The following KCNN3 variants were observed in gnomAD, a reference collection of about 807,000 sequenced individuals.
KCNN3 encodes potassium calcium-activated channel subfamily N member 3.
KCNN3 carries 16 observed loss-of-function variants against 62.9 expected under a neutral mutation model. The observed-to-expected ratio is 0.25, with a 90% confidence interval of 0.17 to 0.39. KCNN3 has a LOEUF of 0.39. Among genes scored for constraint, KCNN3 ranks in the 10% least tolerant of loss-of-function variants. The pLI is 1.00. For synonymous variants in KCNN3, 370 were observed against 389.2 expected (o/e 0.95, Z 0.58); for missense variants, 599 against 949.4 (o/e 0.63, Z 4.85).
At chr1:154,766,958 G>A (rs2101833907) in intron 3 of KCNN3, among the ~76,000 whole-genome samples, 1 of 152,230 alleles carries the variant, frequency 6.6e-6, no homozygotes, top group African/African-American at 2.4e-5. Context: ...TGGGATTACA[G>A]GCGTGAGCCA....
chr1:154,839,804 C>T (rs34515871), intron 1 of KCNN3, among the ~76,000 whole-genome samples: 33,303 of 152,048 alleles, frequency 0.22, 4,447 homozygotes, highest in Non-Finnish European at 0.31. Flanking sequence ...AATGATGGAG[C>T]GCAGAGACAA....
At chr1:154,774,360 T>C (rs1035970962) in intron 2 of KCNN3, among the ~76,000 whole-genome samples, 2 of 152,202 alleles carry the variant, frequency 1.3e-5, no homozygotes, top group African/African-American at 4.8e-5. Flanking sequence ...CCAGCCTTTG[T>C]CTTCCGGTAA....
chr1:154,772,329 T>C lies in KCNN3; in HGVS notation c.1094A>G (p.Tyr365Cys), dbSNP rs772001209. Residue 365 changes from tyrosine to cysteine, a missense_variant, in exon 3 of 8, where the codon TAC (tyrosine) becomes TGC (cysteine). Transcript: ENST00000271915. The surrounding 1 kb of genome is among the most constrained non-coding windows in gnomAD (Gnocchi z 5.6). Reference protein sequence around the residue: ...RIAMTYERILYISLEMLVCAI... With the variant: ...RIAMTYERILCISLEMLVCAI... ...GCACACCAGCATCTCCAGGCTGATG[T>C]ACAGGATGCGCTCGTAGGTCATGGC... 1.2e-6 allele frequency: 2 copies of C among 1,614,168 alleles called. No individual in the cohort carries two copies. The highest frequency in any genetic ancestry group is 1.7e-6 in the Non-Finnish European group (2 of 1,180,010).
rs1650308454 is a variant in KCNN3, at chr1:154,809,388, G to A, written c.1029+12701C>T. ...CACGTGTTCTATGAATGCAGAGCAG[G>A]CTTATTTGGGGGCTGGGGTGGGAGG... On this transcript the variant is annotated intron_variant, in intron 2 of 7. Coordinates refer to ENST00000271915, the MANE Select transcript of KCNN3 (RefSeq NM_002249.6). The surrounding 1 kb of genome is among the most constrained non-coding windows in gnomAD (Gnocchi z 4.3). Among the ~76,000 whole-genome samples, 3 of 152,174 alleles carry A rather than the reference G, an allele frequency of 2.0e-5. No individual in the cohort carries two copies. The highest frequency in any genetic ancestry group is 7.2e-5 in the African/African-American group (3 of 41,424).
chr1:154,818,463 C>T (rs920993194), intron 2 of KCNN3, among the ~76,000 whole-genome samples: 6 of 152,212 alleles, frequency 3.9e-5, no homozygotes, highest in East Asian at 1.9e-4. Context: ...ACAGTTTAAA[C>T]GTGTCCCCTC....
intron 2 of KCNN3, among the ~76,000 whole-genome samples, chr1:154,796,569 AT>A (rs1206279310): frequency 6.6e-6 from 1 of 152,248 alleles, no homozygotes; most frequent in African/African-American, 2.4e-5. Context: ...GTTACAATTC[AT>A]CTGGCTGCAT....
intron 4 of KCNN3, among the ~76,000 whole-genome samples, chr1:154,726,759 G>C (rs1407938084): frequency 6.6e-6 from 1 of 152,164 alleles, no homozygotes; most frequent in Non-Finnish European, 1.5e-5. Flanking sequence ...CACTTCTGCT[G>C]GATCAAAACC....
intron 2 of KCNN3, among the ~76,000 whole-genome samples, chr1:154,793,985 C>G (rs1376293151): frequency 6.6e-6 from 1 of 152,214 alleles, no homozygotes; most frequent in Non-Finnish European, 1.5e-5. Context: ...ACAGCACTGT[C>G]CCAGGGCTAG....
At chr1:154,728,359 A>G (rs1700513464) in intron 4 of KCNN3, among the ~76,000 whole-genome samples, 1 of 152,234 alleles carries the variant, frequency 6.6e-6, no homozygotes, top group Non-Finnish European at 1.5e-5. Context: ...AGGATGCTGC[A>G]TTCTTAACCC....
rs1185814538 is a variant in KCNN3, at chr1:154,701,740, G to A, written c.*6236C>T. ...CATGTGGGAACCTTGCTCCCTCAAG[G>A]GTATTGCCAATTTAGAAAAGCACAT... On this transcript the variant is annotated 3_prime_UTR_variant, in exon 8 of 8. Coordinates refer to ENST00000271915, the MANE Select transcript of KCNN3 (RefSeq NM_002249.6). The A allele has an allele frequency of 6.6e-6, 1 of 152,116 alleles. No homozygotes were observed. Among genetic ancestry groups the A allele is most frequent in the Non-Finnish European group, 1.5e-5 (1 of 68,012 alleles). 9.4% of individuals were successfully genotyped at this position (152,116 alleles called of 1,614,324 possible). A position where few individuals can be genotyped will look rare whatever the true frequency, so the allele number is the denominator to read the frequency against.
chr1:154,811,070 G>A (rs1419144436), intron 2 of KCNN3, among the ~76,000 whole-genome samples: 7 of 152,234 alleles, frequency 4.6e-5, no homozygotes, highest in Non-Finnish European at 1.0e-4. Flanking sequence ...TAAAGGCACA[G>A]TCTCCAGCAC....
intron 2 of KCNN3, among the ~76,000 whole-genome samples, chr1:154,794,508 G>T (rs988726194): frequency 3.3e-5 from 5 of 152,176 alleles, no homozygotes; most frequent in Non-Finnish European, 7.4e-5. Flanking sequence ...ATGGGATCAG[G>T]GACCCTCTGA....
At chr1:154,726,828 CT>C (rs1430099837) in intron 4 of KCNN3, among the ~76,000 whole-genome samples, 2 of 152,166 alleles carry the variant, frequency 1.3e-5, no homozygotes, top group Non-Finnish European at 2.9e-5. Flanking sequence ...CGATCCTAGT[CT>C]GCTCGGTAGG....
At chr1:154,815,555 T>C (rs2101888636) in intron 2 of KCNN3, among the ~76,000 whole-genome samples, 2 of 152,294 alleles carry the variant, frequency 1.3e-5, no homozygotes, top group South Asian at 4.1e-4. Flanking sequence ...ACAAACCAAT[T>C]TCCAAAGGCA....
intron 1 of KCNN3, among the ~76,000 whole-genome samples, chr1:154,844,653 C>T (rs190700980): frequency 1.5e-4 from 18 of 122,292 alleles, no homozygotes; most frequent in South Asian, 3.0e-4. Context: ...TCTTACTCAG[C>T]GCCCACAATA....
At chr1:154,782,966 G>A (rs903686120) in intron 2 of KCNN3, among the ~76,000 whole-genome samples, 9 of 152,154 alleles carry the variant, frequency 5.9e-5, no homozygotes, top group Admixed American at 2.0e-4. Context: ...TAATCCCAGC[G>A]CTTTGGCAGG....
At chr1:154,732,906 C>G (rs149153701) in intron 4 of KCNN3, 97 bp downstream of exon 4, 65 of 1,396,046 alleles carry the variant, frequency 4.7e-5, no homozygotes, top group East Asian at 4.6e-5. Flanking sequence ...AGCCACCCCC[C>G]GCTCTGCGGC....
intron 2 of KCNN3, among the ~76,000 whole-genome samples, chr1:154,818,082 G>A (rs1650740921): frequency 6.6e-6 from 1 of 152,176 alleles, no homozygotes; most frequent in Non-Finnish European, 1.5e-5. Flanking sequence ...CAGAGTTTTG[G>A]TAAATAAACA....
Position 154,797,048 on chromosome 1 carries a change from C to T in KCNN3, c.1030-24655G>A, listed in dbSNP as rs551236765. Reference sequence around the variant, plus strand: ...AGTGGCCTACAAAAAGCTAGCCCTGCGACAGTGTCATCTCACTCCCAATGA... The same window carrying T: ...AGTGGCCTACAAAAAGCTAGCCCTGTGACAGTGTCATCTCACTCCCAATGA... On this transcript the variant is annotated intron_variant, in intron 2 of 7. Coordinates refer to ENST00000271915, the MANE Select transcript of KCNN3 (RefSeq NM_002249.6). 5.9e-5 allele frequency among the ~76,000 whole-genome samples: 9 copies of T among 152,244 alleles called. No individual in the cohort carries two copies. The South Asian group carries it at 1.5e-3, about 25-fold the overall frequency.
Sources: allele counts gnomAD v4.1 joint callset (sites outside exome capture counted in the v4.1 genomes callset), GRCh38; gene constraint gnomAD v4.1.1; non-coding constraint Gnocchi (gnomAD v3.1); transcripts MANE v1.5; gene names NCBI Gene and HGNC (gene_info 2026-07-23, HGNC 2026-07-21).